MMAA: variants seen among roughly 807,000 people sequenced by gnomAD.
MMAA encodes the protein metabolism of cobalamin associated A, also known as methylmalonic aciduria type A protein, mitochondrial.
MMAA carries 41 observed loss-of-function variants against 45.0 expected under a neutral mutation model. The observed-to-expected ratio is 0.91, with a 90% CI of 0.71 to 1.18. MMAA has a LOEUF of 1.18. MMAA is among the 50% of genes most tolerant of loss of function. The pLI is 0.00. For synonymous variants in MMAA, 154 were observed against 178.2 expected, an observed-to-expected ratio of 0.86 and a Z score of 1.08; for missense variants, 460 against 495.7, an observed-to-expected ratio of 0.93 and a Z score of 0.68.
At chr4:145,648,105 T>G (rs9990503) in intron 4 of MMAA, among the ~76,000 whole-genome samples, 1 of 148,100 alleles carries the variant, frequency 6.8e-6, no homozygotes, top group Non-Finnish European at 1.5e-5. Flanking sequence ...GTGATCCGCC[T>G]GCCTCAGCCT....
intron 1 of MMAA, among the ~76,000 whole-genome samples, chr4:145,630,676 C>T (rs1427288365): frequency 3.3e-5 from 5 of 151,996 alleles, no homozygotes; most frequent in African/African-American, 1.2e-4. Context: ...TGTGGTGAGC[C>T]GAGATCGCAC....
chr4:145,627,058 T>A (rs1263372096), intron 1 of MMAA, among the ~76,000 whole-genome samples: 1 of 152,204 alleles, frequency 6.6e-6, no homozygotes, highest in Non-Finnish European at 1.5e-5. Context: ...AGAACTGCAA[T>A]CCCAATTGTG....
In MMAA at chr4:145,624,098, G is replaced by T. The variant is rs543500166; in HGVS notation, c.-66+4691G>T. The T allele has an allele frequency of 3.7e-5, 38 of 1,028,008 alleles. No individual in the cohort carries two copies. In the South Asian group the frequency reaches 4.3e-4, roughly 12 times the overall value. 63.7% of individuals were successfully genotyped at this position (1,028,008 alleles called of 1,614,324 possible). On this transcript the variant is annotated intron_variant, in intron 1 of 6. Transcript: ENST00000649156. ...AAACACAATGATTTGGCAAGCCACA[G>T]TCACTCAGCTCATGATGTGTGATAA...
At chr4:145,641,536 A>G (rs1325944635) in intron 2 of MMAA, among the ~76,000 whole-genome samples, 1 of 152,210 alleles carries the variant, frequency 6.6e-6, no homozygotes, top group African/African-American at 2.4e-5. Context: ...TATGTTTTAT[A>G]TATTTCATTT....
intron 1 of MMAA, chr4:145,624,953 T>G: frequency 8.6e-7 from 1 of 1,157,892 alleles, no homozygotes; most frequent in Non-Finnish European, 1.3e-6. Flanking sequence ...CTCCATACCT[T>G]TGGGCTGGTT....
intron 1 of MMAA, among the ~76,000 whole-genome samples, chr4:145,629,524 A>G (rs1734282412): frequency 6.6e-6 from 1 of 152,150 alleles, no homozygotes; most frequent in African/African-American, 2.4e-5. Flanking sequence ...ACCAAAACTA[A>G]TGACATACCT....
chr4:145,622,591 T>C (rs1197260240), intron 1 of MMAA, among the ~76,000 whole-genome samples: 2 of 152,236 alleles, frequency 1.3e-5, no homozygotes, highest in Non-Finnish European at 2.9e-5. Context: ...GATTTGATTA[T>C]TATTATTTTA....
At chr4:145,654,832 C>T (rs1728182951) in intron 6 of MMAA, among the ~76,000 whole-genome samples, 1 of 152,108 alleles carries the variant, frequency 6.6e-6, no homozygotes, top group South Asian at 2.1e-4. Flanking sequence ...CCTGGCATTG[C>T]CCTTGTCACA....
intron 1 of MMAA, among the ~76,000 whole-genome samples, chr4:145,632,457 T>G (rs1460421378): frequency 6.6e-6 from 1 of 152,204 alleles, no homozygotes; most frequent in Non-Finnish European, 1.5e-5. Flanking sequence ...TTTGGGAGTT[T>G]GATTATTAAG....
intron 4 of MMAA, among the ~76,000 whole-genome samples, chr4:145,646,843 G>A (rs1727939145): frequency 6.6e-6 from 1 of 152,234 alleles, no homozygotes; most frequent in Non-Finnish European, 1.5e-5. Flanking sequence ...GTTTGCTCAG[G>A]ATACTTAGAG....
chr4:145,636,382 G>T (rs1727608646), intron 1 of MMAA, among the ~76,000 whole-genome samples: 1 of 152,122 alleles, frequency 6.6e-6, no homozygotes, highest in Non-Finnish European at 1.5e-5. Context: ...TCTTGACTTC[G>T]TGTCACTGCT....
At chr4:145,649,366 G>C (rs945919830) in intron 4 of MMAA, among the ~76,000 whole-genome samples, 1 of 152,164 alleles carries the variant, frequency 6.6e-6, no homozygotes, top group African/African-American at 2.4e-5. Flanking sequence ...AGTGCCCTCG[G>C]TGTCACAGGT....
intron 1 of MMAA, chr4:145,624,499 G>T: frequency 1.0e-6 from 1 of 997,654 alleles, no homozygotes; most frequent in African/African-American, 1.6e-5. Flanking sequence ...TCTTTGTATG[G>T]GGGCCTGATA....
At position 145,642,611 on chromosome 4, in the gene MMAA, G is replaced by A. The variant is rs1301717782; in HGVS notation, c.562+126G>A. On this transcript the variant is annotated intron_variant, in intron 3 of 6. Coordinates refer to ENST00000649156, the MANE Select transcript of MMAA (RefSeq NM_172250.3). ...AGTTTGGTCTCGCTAAAGGAAGGGA[G>A]TTCTGCAGAGTTAGGTGGAAGCTGA... 6.1e-6 allele frequency: 8 copies of A among 1,305,034 alleles called. No homozygotes were observed. In the Admixed American group the frequency reaches 1.2e-4, roughly 19 times the overall value. 80.8% of individuals were successfully genotyped at this position (1,305,034 alleles called of 1,614,324 possible).
At position 145,633,196 on chromosome 4, in the gene MMAA, C is replaced by CTTTTTTT. The variant is rs941603291; in HGVS notation, c.-65-5864_-65-5858dup. ...CTTGTGGTATCTTGAATTTCTTTTTCTTTTTTTTTTTTTTTTTTTTTGAGA... is the reference window on the plus strand; with the variant it reads ...CTTGTGGTATCTTGAATTTCTTTTTCTTTTTTTTTTTTTTTTTTTTTTTTTTTTGAGA... On this transcript the variant is annotated intron_variant, in intron 1 of 6. Transcript: ENST00000649156. 6.7e-3 allele frequency among the ~76,000 whole-genome samples: 588 copies of CTTTTTTT among 88,264 alleles called. 2 individuals are homozygous for CTTTTTTT. The highest frequency in any genetic ancestry group is 9.3e-3 in the African/African-American group (186 of 20,104). 57.9% of individuals were successfully genotyped at this position (88,264 alleles called of 152,430 possible). A position where few individuals can be genotyped will look rare whatever the true frequency, so the allele number is the denominator to read the frequency against.
intron 1 of MMAA, among the ~76,000 whole-genome samples, chr4:145,633,093 G>T (rs1182912336): frequency 1.3e-5 from 2 of 150,946 alleles, no homozygotes; most frequent in African/African-American, 4.9e-5. Flanking sequence ...TGTCTTAGGA[G>T]ACTCTGATGC....
chr4:145,633,563 A>G (rs1210558919), intron 1 of MMAA, among the ~76,000 whole-genome samples: 2 of 152,144 alleles, frequency 1.3e-5, no homozygotes, highest in East Asian at 3.9e-4. Context: ...AAGATCACAT[A>G]TCTCTATTTC....
rs529063176 is a variant in MMAA at position 145,633,201 on chromosome 4, T to TC, written c.-65-5874_-65-5873insC. On this transcript the variant is annotated intron_variant, in intron 1 of 6. Transcript: ENST00000649156. The stretch of plus-strand genomic sequence containing the variant: ...GGTATCTTGAATTTCTTTTTCTTTT[T>TC]TTTTTTTTTTTTTTTTGAGATGGAG... Among the ~76,000 whole-genome samples, 661 of 144,180 alleles carry TC rather than the reference T, an allele frequency of 4.6e-3. 2 individuals carry two copies. The highest frequency in any genetic ancestry group is 0.016 in the African/African-American group (611 of 38,260). The allele number at this position is 144,180 out of a possible 152,430, so 94.6% of individuals were successfully genotyped here.
chr4:145,647,922 T>A (rs1053810730), intron 4 of MMAA, among the ~76,000 whole-genome samples: 1 of 151,984 alleles, frequency 6.6e-6, no homozygotes, highest in Admixed American at 6.6e-5. Context: ...AGTTGCGGGG[T>A]CTCGGCTCAC....
Sources: allele counts gnomAD v4.1 joint callset (sites outside exome capture counted in the v4.1 genomes callset), GRCh38; gene constraint gnomAD v4.1.1; transcripts MANE v1.5; gene names NCBI Gene and HGNC (gene_info 2026-07-23, HGNC 2026-07-21).